The following NUP160 variants were observed in gnomAD, a reference collection of about 807,000 sequenced individuals.
NUP160 encodes nuclear pore complex protein Nup160.
NUP160 carries 94 observed loss-of-function variants against 196.9 expected under a neutral mutation model. The observed-to-expected ratio is 0.48, with a 90% confidence interval of 0.40 to 0.57. NUP160 has a LOEUF of 0.57. NUP160 is among the 20% of genes least tolerant of loss of function. NUP160 has a pLI of 0.00. For synonymous variants in NUP160, 605 were observed against 619.7 expected (o/e 0.98, Z 0.35); for missense variants, 1,638 against 1,748.3 (o/e 0.94, Z 1.13).
At position 47,813,067 on chromosome 11, in the gene NUP160, A is replaced by T; in HGVS notation, c.1787-20T>A. Reference sequence around the variant, plus strand: ...CCACATCTACAAATAAGAGAAAGTTAACATTTATGTCTTAAGCCAATGACA... The same window carrying T: ...CCACATCTACAAATAAGAGAAAGTTTACATTTATGTCTTAAGCCAATGACA... On this transcript the variant is annotated intron_variant, in intron 14 of 35. Coordinates refer to ENST00000378460, the Ensembl canonical transcript of NUP160. 1.3e-6 allele frequency: 2 copies of T among 1,537,962 alleles called. No individual in the cohort carries two copies. Among genetic ancestry groups the T allele is most frequent in the Non-Finnish European group, 1.8e-6 (2 of 1,117,562 alleles).
At chr11:47,793,034 T>C (rs1320457594) in intron 27 of NUP160, 88 bp from the exon 28 acceptor site, 2 of 1,110,082 alleles carry the variant, frequency 1.8e-6, no homozygotes, top group Admixed American at 4.5e-5. Context: ...TCGCCCAGGC[T>C]GGAGTGCAAT....
intron 7 of NUP160, among the ~76,000 whole-genome samples, chr11:47,822,514 C>T (rs892211487): frequency 6.6e-6 from 1 of 151,890 alleles, no homozygotes; most frequent in African/African-American, 2.4e-5. Context: ...CCTCGGCCTC[C>T]CAAAGAACTG....
chr11:47,788,226 A>G (rs775648575), exon 31 of NUP160: 2 of 1,614,004 alleles, frequency 1.2e-6, no homozygotes, highest in Admixed American at 3.3e-5. Context: ...GAAGCTTAAA[A>G]GTCTGACAGA....
intron 2 of NUP160, among the ~76,000 whole-genome samples, chr11:47,846,957 A>G (rs1852412145): frequency 6.6e-6 from 1 of 152,152 alleles, no homozygotes; most frequent in Non-Finnish European, 1.5e-5. Context: ...CCATCCAAAA[A>G]TGCAATTTTG....
chr11:47,783,374 A>G (rs1244822872), intron 33 of NUP160, among the ~76,000 whole-genome samples, 176 bp from the exon 34 acceptor site: 1 of 151,016 alleles, frequency 6.6e-6, no homozygotes, highest in Non-Finnish European at 1.5e-5. Flanking sequence ...CTGGGGAGTT[A>G]GGAAAAAAAA....
At chr11:47,834,077 A>C (rs1372320779) in intron 7 of NUP160, among the ~76,000 whole-genome samples, 1 of 152,220 alleles carries the variant, frequency 6.6e-6, no homozygotes, top group African/African-American at 2.4e-5. Flanking sequence ...TTACCCCCCA[A>C]AACAGTAATT....
At chr11:47,791,901 A>C in intron 29 of NUP160, 29 bp downstream of exon 29, 1 of 1,495,234 alleles carries the variant, frequency 6.7e-7, no homozygotes. Flanking sequence ...ACTGTCTAGC[A>C]AAGAACCAGT....
intron 2 of NUP160, among the ~76,000 whole-genome samples, chr11:47,840,858 C>G (rs1852281552): frequency 6.6e-6 from 1 of 152,154 alleles, no homozygotes; most frequent in Non-Finnish European, 1.5e-5. Context: ...GCAATTAACT[C>G]TACTATAATA....
chr11:47,832,579 G>A (rs1852098750), intron 7 of NUP160, among the ~76,000 whole-genome samples: 1 of 152,174 alleles, frequency 6.6e-6, no homozygotes, highest in African/African-American at 2.4e-5. Flanking sequence ...TCAGCGCATA[G>A]GATGGTTTTC....
chr11:47,838,807 C>CAGCCTA (rs1852235157), intron 4 of NUP160, among the ~76,000 whole-genome samples: 2 of 152,122 alleles, frequency 1.3e-5, no homozygotes, highest in East Asian at 3.9e-4. Context: ...AGTTCGAGAC[C>CAGCCTA]AGCCTGGCTA....
chr11:47,797,385 C>T lies in NUP160; in HGVS notation c.3289+394G>A, dbSNP rs553033384. Among the ~76,000 whole-genome samples, 3 of 152,128 alleles carry T rather than the reference C, an allele frequency of 2.0e-5. No homozygotes were observed. The East Asian group carries it at 5.8e-4, about 29-fold the overall frequency. On this transcript the variant is annotated intron_variant, in intron 27 of 35. Transcript: ENST00000378460. ...TCCTGAGTAGCTGGGATTACAGGTGCCCACCACCACATATGGCTAATTTTT... is the reference window on the plus strand; with the variant it reads ...TCCTGAGTAGCTGGGATTACAGGTGTCCACCACCACATATGGCTAATTTTT...
At chr11:47,802,171 G>A (rs1308311996) in intron 22 of NUP160, among the ~76,000 whole-genome samples, 4 of 152,166 alleles carry the variant, frequency 2.6e-5, no homozygotes, top group Admixed American at 6.6e-5. Context: ...GGTGGCTCAC[G>A]CCTGTAATCC....
intron 29 of NUP160, among the ~76,000 whole-genome samples, chr11:47,791,158 C>CTT (rs35849464): frequency 2.9e-4 from 44 of 151,042 alleles, no homozygotes; most frequent in East Asian, 1.4e-3. Flanking sequence ...ATTTTCTCTT[C>CTT]TTTTTTTTTA....
intron 22 of NUP160, among the ~76,000 whole-genome samples, chr11:47,802,984 T>C (rs542685583): frequency 6.6e-6 from 1 of 152,012 alleles, no homozygotes; most frequent in Non-Finnish European, 1.5e-5. Flanking sequence ...AGACCCTGTC[T>C]AAAAGAAATA....
intron 23 of NUP160, among the ~76,000 whole-genome samples, chr11:47,801,377 G>C (rs1463860590): frequency 1.3e-5 from 2 of 151,846 alleles, no homozygotes; most frequent in Non-Finnish European, 2.9e-5. Flanking sequence ...TGGAGACGGA[G>C]TCTCGCTCTG....
At chr11:47,803,077 G>C (rs1236736672) in intron 22 of NUP160, among the ~76,000 whole-genome samples, 1 of 151,460 alleles carries the variant, frequency 6.6e-6, no homozygotes, top group Non-Finnish European at 1.5e-5. Flanking sequence ...CAGCACTGGG[G>C]GAGGCCAAGG....
chr11:47,812,953 C>T (rs753180882), exon 15 of NUP160: 5 of 1,613,138 alleles, frequency 3.1e-6, no homozygotes, highest in Admixed American at 1.7e-5. Context: ...TATAACAACT[C>T]ATTTCCATTA....
At chr11:47,812,546 A>G in intron 15 of NUP160, 117 bp from the exon 16 acceptor site, 1 of 1,048,174 alleles carries the variant, frequency 9.5e-7, no homozygotes. Flanking sequence ...AATGAAGATA[A>G]TCACTCTGGC....
rs553928873 is a variant in NUP160, at chr11:47,796,479, G to A, written c.3289+1300C>T. On this transcript the variant is annotated intron_variant, in intron 27 of 35. Coordinates refer to ENST00000378460, the Ensembl canonical transcript of NUP160. ...CAGAAGGACCAGCAAAAACAAACAA[G>A]TAAGTAAATAAATAAATAGATATTG... 7 of 280,016 alleles carry A rather than the reference G, an allele frequency of 2.5e-5. 1 individual carries two copies. Among genetic ancestry groups the A allele is most frequent in the African/African-American group, 1.1e-4 (5 of 45,138 alleles). 17.3% of individuals were successfully genotyped at this position (280,016 alleles called of 1,614,324 possible).
Sources: gnomAD v4.1 joint callset for allele counts (sites outside exome capture counted in the v4.1 genomes callset) on GRCh38, gnomAD v4.1.1 for gene constraint, MANE v1.5 for transcripts, NCBI Gene and HGNC (gene_info 2026-07-23, HGNC 2026-07-21) for gene names.